Variants in CFAP100 observed in about 807,000 individuals in gnomAD.
The protein encoded by CFAP100 is cilia and flagella associated protein 100.
In CFAP100, 70 loss-of-function variants were observed where a neutral mutation model predicts 81.5. The observed-to-expected ratio is 0.86, with a 90% CI of 0.71 to 1.05. The LOEUF (loss-of-function observed/expected upper bound fraction) is 1.05, where lower values mean the gene tolerates loss of function less well. Among genes scored for constraint, CFAP100 ranks in the 50% least tolerant of loss-of-function variants. CFAP100 has a pLI of 0.00. For missense variants in CFAP100, 811 were observed against 776.5 expected, an observed-to-expected ratio of 1.04 and a Z score of -0.53; for synonymous variants, 341 against 314.8, an observed-to-expected ratio of 1.08 and a Z score of -0.88.
chr3:126,421,163 C>T (rs938437465), intron 11 of CFAP100, among the ~76,000 whole-genome samples: 9 of 151,924 alleles, frequency 5.9e-5, no homozygotes, highest in East Asian at 1.9e-4. Flanking sequence ...CCACCACACC[C>T]GGCTAATTTT....
intron 5 of CFAP100, among the ~76,000 whole-genome samples, chr3:126,417,515 C>A (rs1331665543): frequency 6.6e-6 from 1 of 152,184 alleles, no homozygotes; most frequent in Non-Finnish European, 1.5e-5. Context: ...GGCGTTTAGG[C>A]CCCACAGTTG....
In CFAP100 at chr3:126,416,422, A is replaced by C. The variant is rs149395748; in HGVS notation, c.332A>C (p.Lys111Thr). 1 of 1,611,908 alleles carries C rather than the reference A, an allele frequency of 6.2e-7. No individual in the cohort carries two copies. Among genetic ancestry groups the C allele is most frequent in the Non-Finnish European group, 8.5e-7 (1 of 1,179,544 alleles). Residue 111 changes from lysine to threonine, a missense_variant, in exon 5 of 17, where the codon AAG (lysine) becomes ACG (threonine). Lys to Thr is a moderately conservative substitution (Grantham distance 78, BLOSUM62 -1). Transcript: ENST00000352312. ...SLRRQLQLED[K>T]QEDLEARAEA... Reference sequence around the variant, plus strand: ...CGGCGGCAGCTGCAGCTGGAGGACAAGCAGGAGGACCTGGAGGCGCGCGCC... The same window carrying C: ...CGGCGGCAGCTGCAGCTGGAGGACACGCAGGAGGACCTGGAGGCGCGCGCC...
At chr3:126,401,521 T>C (rs1325114460) in intron 2 of CFAP100, among the ~76,000 whole-genome samples, 1 of 149,304 alleles carries the variant, frequency 6.7e-6, no homozygotes, top group Non-Finnish European at 1.5e-5. Context: ...ATAGACAGGA[T>C]GGTTCCCAGC....
At chr3:126,397,552 T>C (rs1322866440) in intron 2 of CFAP100, among the ~76,000 whole-genome samples, 3 of 152,218 alleles carry the variant, frequency 2.0e-5, no homozygotes, top group African/African-American at 4.8e-5. Context: ...AGTGCCTAGT[T>C]GGGGTACCCT....
chr3:126,414,764 T>C (rs2083208034), intron 4 of CFAP100, among the ~76,000 whole-genome samples: 1 of 152,094 alleles, frequency 6.6e-6, no homozygotes. Flanking sequence ...GAGCCCTGAG[T>C]GGGGACAGCC....
chr3:126,418,866 C>G (rs937645510), intron 7 of CFAP100, 92 bp downstream of exon 7: 4 of 1,420,578 alleles, frequency 2.8e-6, no homozygotes, highest in Non-Finnish European at 3.8e-6. Context: ...CCTCTGCCCC[C>G]AGCCCCTGCA....
At chr3:126,421,321 T>A (rs2083329517) in intron 11 of CFAP100, among the ~76,000 whole-genome samples, 1 of 152,250 alleles carries the variant, frequency 6.6e-6, no homozygotes, top group Non-Finnish European at 1.5e-5. Context: ...TTCTGTTCAC[T>A]ATTGTCTTTT....
rs1200283267 is a variant in CFAP100 at position 126,415,923 on chromosome 3, A to G, written c.226-393A>G. Among the ~76,000 whole-genome samples the G allele has an allele frequency of 1.3e-5, 2 of 152,206 alleles. 1 individual carries two copies. Among genetic ancestry groups the G allele is most frequent in the Non-Finnish European group, 2.9e-5 (2 of 68,034 alleles). On this transcript the variant is annotated intron_variant, in intron 4 of 16. Transcript: ENST00000352312. ...GTGACCTTCCAGCTAGGCTACACCCACTACACAGTCGTAGTCTTCGGGAAC... is the reference window on the plus strand; with the variant it reads ...GTGACCTTCCAGCTAGGCTACACCCGCTACACAGTCGTAGTCTTCGGGAAC...
intron 5 of CFAP100, chr3:126,418,015 A>AT: frequency 4.4e-5 from 8 of 181,120 alleles, no homozygotes; most frequent in East Asian, 1.6e-4. Context: ...GGCAGTGTAG[A>AT]CTCAGCCTCT....
chr3:126,419,056 C>A lies in CFAP100; in HGVS notation c.651-20C>A. 4 of 1,383,982 alleles carry A rather than the reference C, an allele frequency of 2.9e-6. No homozygotes were observed. Among genetic ancestry groups the A allele is most frequent in the Non-Finnish European group, 3.9e-6 (4 of 1,013,836 alleles). 85.7% of individuals were successfully genotyped at this position (1,383,982 alleles called of 1,614,324 possible). A position where few individuals can be genotyped will look rare whatever the true frequency, so the allele number is the denominator to read the frequency against. On this transcript the variant is annotated intron_variant, in intron 7 of 16. Transcript: ENST00000352312. ...TGGCCCCTTGCCCCCATCCCTCCTC[C>A]CCCGCCGCCCAACCCCTAGGGCTGA... is the stretch of plus-strand genomic sequence containing the variant.
At chr3:126,423,746 T>C (rs1361391403) in intron 13 of CFAP100, 102 bp downstream of exon 13, 2 of 1,397,718 alleles carry the variant, frequency 1.4e-6, no homozygotes, top group African/African-American at 2.8e-5. Flanking sequence ...CACCCGTCCG[T>C]GGCCCTGGCC....
At chr3:126,408,559 T>C (rs2083105025) in intron 3 of CFAP100, among the ~76,000 whole-genome samples, 1 of 152,172 alleles carries the variant, frequency 6.6e-6, no homozygotes, top group African/African-American at 2.4e-5. Context: ...TTCCTGATGC[T>C]GGCACTGGGA....
At chr3:126,433,308 CG>C in intron 14 of CFAP100, 104 bp downstream of exon 14, 2 of 1,376,402 alleles carry the variant, frequency 1.5e-6, no homozygotes, top group Non-Finnish European at 2.0e-6. Context: ...GGACAAGGCC[CG>C]GGTGAGTGCC....
chr3:126,420,108 CAG>C lies in CFAP100; in HGVS notation c.962_963del (p.Gln321ArgfsTer135). ...TATTCCTCTGCTTTCTCCAGAGGGT[CAG>C]GGTACAAAGAAGCCCTGGAGGTTTC... is the stretch of plus-strand genomic sequence containing the variant. ...KASSMWAKEGQGTKKPWRFLQ... is the reference protein window; with the variant it reads ...KASSMWAKEGXGTKKPWRFLQ... On this transcript the variant is annotated frameshift_variant, in exon 11 of 17. Coordinates refer to ENST00000352312, the MANE Select transcript of CFAP100 (RefSeq NM_182628.3). LOFTEE classifies it high-confidence loss of function. The C allele has an allele frequency of 6.2e-7, 1 of 1,613,326 alleles. No homozygotes were observed. The highest frequency in any genetic ancestry group is 1.3e-5 in the African/African-American group (1 of 75,076).
At chr3:126,421,196 G>A (rs2083327443) in intron 11 of CFAP100, among the ~76,000 whole-genome samples, 1 of 152,136 alleles carries the variant, frequency 6.6e-6, no homozygotes, top group East Asian at 1.9e-4. Context: ...TAGAGACGGG[G>A]TTTTGCCATG....
chr3:126,432,006 C>T (rs941686521), intron 13 of CFAP100, among the ~76,000 whole-genome samples: 7 of 152,214 alleles, frequency 4.6e-5, no homozygotes, highest in South Asian at 2.1e-4. Flanking sequence ...TGAGGCCGGG[C>T]GCAGTGGCTC....
chr3:126,409,836 G>C (rs1330400427), intron 3 of CFAP100, among the ~76,000 whole-genome samples: 1 of 152,110 alleles, frequency 6.6e-6, no homozygotes, highest in African/African-American at 2.4e-5. Context: ...TGCTAGTTCT[G>C]AGTATGACGG....
At chr3:126,418,586 A>T (rs1323277735) in intron 6 of CFAP100, 25 bp from the exon 7 acceptor site, 4 of 1,612,496 alleles carry the variant, frequency 2.5e-6, no homozygotes, top group Admixed American at 1.7e-5. Context: ...GCCAGGCACC[A>T]TGACCCCACT....
chr3:126,409,241 T>C lies in CFAP100; in HGVS notation c.130+1989T>C, dbSNP rs185351583. On this transcript the variant is annotated intron_variant, in intron 3 of 16. Coordinates refer to ENST00000352312, the MANE Select transcript of CFAP100 (RefSeq NM_182628.3). ...CCACTGGCTCTCCTCTCCAGCCTCC[T>C]GTAAATGGAATCGCACACTGTCTAT... Among the ~76,000 whole-genome samples the C allele has an allele frequency of 3.9e-5, 6 of 152,352 alleles. No homozygotes were observed. The East Asian group carries it at 9.6e-4, about 24-fold the overall frequency.
Sources: gnomAD v4.1 joint callset for allele counts (sites outside exome capture counted in the v4.1 genomes callset) on GRCh38, gnomAD v4.1.1 for gene constraint, MANE v1.5 for transcripts, NCBI Gene and HGNC (gene_info 2026-07-23, HGNC 2026-07-21) for gene names.